RNF220: variants seen among roughly 807,000 people sequenced by gnomAD.
RNF220 encodes E3 ubiquitin-protein ligase RNF220.
In RNF220, 7 loss-of-function variants were observed where a neutral mutation model predicts 67.1. The observed-to-expected ratio is 0.10, with a 90% CI of 0.06 to 0.20. The LOEUF is 0.20. Among genes scored for constraint, RNF220 ranks in the 10% least tolerant of loss-of-function variants. The pLI is 1.00. For synonymous variants in RNF220, 270 were observed against 283.2 expected (o/e 0.95, Z 0.47); for missense variants, 565 against 740.3 (o/e 0.76, Z 2.75).
rs958810988 is a variant in RNF220, at chr1:44,650,529, A to G, written c.1630-175A>G. The G allele has an allele frequency of 5.2e-5, 34 of 651,440 alleles. No homozygotes were observed. The highest frequency in any genetic ancestry group is 4.0e-4 in the South Asian group (23 of 56,800). The allele number at this position is 651,440 out of a possible 1,614,324, so 40.4% of individuals were successfully genotyped here. ...GCGGTTTGATCCTGGCGTCCCCCCA[A>G]CACAGGAGCGTGCCTGCCTGCTCAC... On this transcript the variant is annotated intron_variant, in intron 14 of 14. Transcript: ENST00000361799. This position sits in a 1 kb window ranked among gnomAD's most constrained non-coding sequence, Gnocchi z 4.3.
chr1:44,587,254 T>G (rs1665771499), intron 2 of RNF220, among the ~76,000 whole-genome samples: 2 of 151,446 alleles, frequency 1.3e-5, no homozygotes, highest in Non-Finnish European at 2.9e-5. Context: ...TTCAAGTCAT[T>G]CTCCTGCCTC....
At chr1:44,440,716 T>C (rs1268960116) in intron 2 of RNF220, among the ~76,000 whole-genome samples, 1 of 152,154 alleles carries the variant, frequency 6.6e-6, no homozygotes, top group East Asian at 1.9e-4. Flanking sequence ...ATCTCTTAGA[T>C]CAGGATGGAA....
intron 2 of RNF220, among the ~76,000 whole-genome samples, chr1:44,429,254 G>GA (rs955723259): frequency 8.6e-5 from 13 of 151,672 alleles, no homozygotes; most frequent in African/African-American, 2.4e-4. Flanking sequence ...ATGGAATGTA[G>GA]AAAAAAAATA....
chr1:44,567,448 G>A (rs781061211), intron 2 of RNF220, among the ~76,000 whole-genome samples: 4 of 152,098 alleles, frequency 2.6e-5, no homozygotes, highest in Non-Finnish European at 5.9e-5. Context: ...CTCCAGGGAA[G>A]GGGCTGAGCA....
chr1:44,475,568 C>CAAAA (rs35917344), intron 2 of RNF220, among the ~76,000 whole-genome samples: 1 of 70,968 alleles, frequency 1.4e-5, no homozygotes, highest in African/African-American at 5.5e-5. Context: ...GACTCGGTCT[C>CAAAA]AAAAAAAAAA....
chr1:44,502,157 TCA>T (rs57102316), intron 2 of RNF220, among the ~76,000 whole-genome samples: 39,195 of 144,070 alleles, frequency 0.27, 5,307 homozygotes, highest in African/African-American at 0.29. Flanking sequence ...TCTCTCTCTC[TCA>T]CACACACACA....
chr1:44,455,947 G>A (rs1220762813), intron 2 of RNF220, among the ~76,000 whole-genome samples: 1 of 152,188 alleles, frequency 6.6e-6, no homozygotes, highest in Non-Finnish European at 1.5e-5. Flanking sequence ...GGTACTGAGG[G>A]AGTGTAAGCT....
At chr1:44,628,560 GT>G (rs1226542294) in intron 5 of RNF220, among the ~76,000 whole-genome samples, 7 of 152,192 alleles carry the variant, frequency 4.6e-5, no homozygotes, top group Admixed American at 2.6e-4. Context: ...AAACTAGGTT[GT>G]GTCCTACAAG....
At chr1:44,421,208 T>G (rs1214728832) in intron 2 of RNF220, among the ~76,000 whole-genome samples, 1 of 152,222 alleles carries the variant, frequency 6.6e-6, no homozygotes. Flanking sequence ...GGGTTGGATA[T>G]CTAGGCAGTG....
At chr1:44,617,555 G>T (rs1320333234) in intron 3 of RNF220, among the ~76,000 whole-genome samples, 3 of 152,242 alleles carry the variant, frequency 2.0e-5, no homozygotes, top group Non-Finnish European at 4.4e-5. Context: ...GCCGTTCAGC[G>T]GGGAGCGCGG....
At chr1:44,554,242 C>T (rs1334871522) in intron 2 of RNF220, among the ~76,000 whole-genome samples, 1 of 152,056 alleles carries the variant, frequency 6.6e-6, no homozygotes, top group African/African-American at 2.4e-5. Context: ...ACTCAGGCTT[C>T]ACCCAGGACA....
intron 2 of RNF220, among the ~76,000 whole-genome samples, chr1:44,469,074 A>G (rs1240543189): frequency 6.6e-6 from 1 of 152,232 alleles, no homozygotes; most frequent in Non-Finnish European, 1.5e-5. Context: ...AAGAGGGTAA[A>G]GGATATGAGA....
intron 7 of RNF220, 139 bp from the exon 8 acceptor site, chr1:44,635,891 G>T: frequency 6.9e-7 from 1 of 1,452,862 alleles, no homozygotes; most frequent in Non-Finnish European, 9.3e-7. Flanking sequence ...CTCTAAATTG[G>T]TTTGCTTCAA....
chr1:44,569,532 C>A (rs1254227698), intron 2 of RNF220, among the ~76,000 whole-genome samples: 2 of 152,164 alleles, frequency 1.3e-5, no homozygotes, highest in African/African-American at 2.4e-5. Context: ...ATTGAGCTAT[C>A]CAAGGAGCAG....
chr1:44,485,852 C>A (rs1461450024), intron 2 of RNF220, among the ~76,000 whole-genome samples: 1 of 152,124 alleles, frequency 6.6e-6, no homozygotes, highest in African/African-American at 2.4e-5. Context: ...CAGCCACAAG[C>A]ATGACACAGC....
intron 2 of RNF220, among the ~76,000 whole-genome samples, chr1:44,517,246 T>C (rs988490287): frequency 2.6e-5 from 4 of 152,114 alleles, no homozygotes; most frequent in Admixed American, 6.6e-5. Flanking sequence ...TTAAGAGATA[T>C]GACCCCTAGA....
At chr1:44,547,321 A>T (rs1431855455) in intron 2 of RNF220, among the ~76,000 whole-genome samples, 1 of 152,108 alleles carries the variant, frequency 6.6e-6, no homozygotes, top group Non-Finnish European at 1.5e-5. Context: ...CATTCTCTCC[A>T]CTGGCTCATT....
At position 44,626,397 on chromosome 1, in the gene RNF220, A is replaced by C. The variant is rs1643938906; in HGVS notation, c.905A>C (p.Gln302Pro). 6.2e-7 allele frequency: 1 copy of C among 1,612,696 alleles called. No individual in the cohort carries two copies. Among genetic ancestry groups the C allele is most frequent in the South Asian group, 1.1e-5 (1 of 91,016 alleles). The change falls in exon 5 of 15, where the codon CAG becomes CCG. Residue 302 changes from glutamine (Q) to proline (P), a missense_variant and splice_region_variant. Transcript: ENST00000361799. ...GACCTCCACCATTCAGACAGATACC[A>C]GGTGAGGAGGGGTGGTGAGTGGCCA... is the stretch of plus-strand genomic sequence containing the variant. ...TDDLHHSDRY[Q>P]TFLRVRANRQ...
At chr1:44,439,649 T>G (rs1403226786) in intron 2 of RNF220, among the ~76,000 whole-genome samples, 1 of 151,794 alleles carries the variant, frequency 6.6e-6, no homozygotes, top group East Asian at 1.9e-4. Flanking sequence ...ATTTTATCAT[T>G]TTTTTTTCCC....
Sources: allele counts gnomAD v4.1 joint callset (sites outside exome capture counted in the v4.1 genomes callset), GRCh38; gene constraint gnomAD v4.1.1; non-coding constraint Gnocchi (gnomAD v3.1); transcripts MANE v1.5; gene names NCBI Gene and HGNC (gene_info 2026-07-23, HGNC 2026-07-21).